Variants in TARS2 observed in about 807,000 individuals in gnomAD.
TARS2 encodes threonyl-tRNA synthetase 2, mitochondrial, also known as threonine--tRNA ligase, mitochondrial.
Under a neutral mutation model 94.4 loss-of-function variants are expected in TARS2, and 61 were observed. The ratio of observed to expected loss-of-function variants is 0.65; its 90% CI spans 0.53 to 0.80. The LOEUF (loss-of-function observed/expected upper bound fraction) is 0.80. Ranked by LOEUF, TARS2 falls within the 30% of genes least tolerant of loss-of-function variation. The pLI is 0.00. For synonymous variants in TARS2, 359 were observed against 353.4 expected (o/e 1.02, Z -0.18); for missense variants, 704 against 902.5 (o/e 0.78, Z 2.82).
chr1:150,496,517 A>G lies in TARS2; in HGVS notation c.810A>G (p.Pro270=). 1 of 1,614,132 alleles carries G rather than the reference A, an allele frequency of 6.2e-7. No homozygotes were observed. The highest frequency in any genetic ancestry group is 8.5e-7 in the Non-Finnish European group (1 of 1,180,000). ...CCTTATGGAGGTCTTCAGGGGCCCC[A>G]GAGACACTGCAGAGAGTGTCAGGGA... ...SSSLWRSSGA[P]ETLQRVSGIS... Residue 270 remains proline, a synonymous_variant, in exon 8 of 18, where the codon CCA becomes CCG. Coordinates refer to ENST00000369064, the MANE Select transcript of TARS2 (RefSeq NM_025150.5).
chr1:150,505,510 T>G (rs776716519), intron 16 of TARS2, 81 bp from the exon 17 acceptor site: 1 of 1,235,830 alleles, frequency 8.1e-7, no homozygotes, highest in Non-Finnish European at 1.2e-6. Context: ...GATGGGGGCA[T>G]TGAGGGAAAA....
Position 150,507,066 on chromosome 1 carries a change from C to A in TARS2, c.*2C>A, listed in dbSNP as rs764658405. ...CCAAATGCCGAAGAAATTTTCTGAG[C>A]CTTTGTACATAGATGAGGCAAAAAC... On this transcript the variant is annotated 3_prime_UTR_variant, in exon 18 of 18. Coordinates refer to ENST00000369064, the MANE Select transcript of TARS2 (RefSeq NM_025150.5). 6.2e-7 allele frequency: 1 copy of A among 1,613,874 alleles called. No individual in the cohort carries two copies. Among genetic ancestry groups the A allele is most frequent in the African/African-American group, 1.3e-5 (1 of 74,886 alleles).
chr1:150,489,878 G>A (rs941166876), intron 3 of TARS2, among the ~76,000 whole-genome samples: 4 of 152,076 alleles, frequency 2.6e-5, no homozygotes, highest in African/African-American at 9.7e-5. Context: ...GGAGGCGGAG[G>A]TTGCAGTGAG....
intron 3 of TARS2, among the ~76,000 whole-genome samples, 183 bp from the exon 4 acceptor site, chr1:150,490,418 C>CT (rs765177632): frequency 4.1e-4 from 62 of 150,992 alleles, no homozygotes; most frequent in African/African-American, 1.4e-3. Flanking sequence ...TGTGCCCAGC[C>CT]TTTTTTTTTA....
At chr1:150,504,309 C>G in intron 13 of TARS2, 26 bp from the exon 14 acceptor site, 8 of 1,610,956 alleles carry the variant, frequency 5.0e-6, no homozygotes, top group Non-Finnish European at 6.8e-6. Flanking sequence ...TGGCTTATCT[C>G]GTGCCTTCCC....
intron 17 of TARS2, among the ~76,000 whole-genome samples, chr1:150,506,195 A>G (rs1670192160): frequency 6.6e-6 from 1 of 151,904 alleles, no homozygotes; most frequent in African/African-American, 2.4e-5. Context: ...TGAGTTTTGC[A>G]CACCCCACTC....
At chr1:150,500,455 T>A (rs141465216) in intron 13 of TARS2, among the ~76,000 whole-genome samples, 116 of 151,780 alleles carry the variant, frequency 7.6e-4, no homozygotes, top group Admixed American at 2.2e-3. Context: ...CCGGGTGAGG[T>A]GTTAGGACAC....
In TARS2 at chr1:150,499,181, A is replaced by T. The variant is rs762034099; in HGVS notation, c.1540-35A>T. ...GGATGTGTTGCTTTTGAAGTCTAAGATGATGTATTCCACTCTTGTCTCATT... is the reference window on the plus strand; with the variant it reads ...GGATGTGTTGCTTTTGAAGTCTAAGTTGATGTATTCCACTCTTGTCTCATT... On this transcript the variant is annotated intron_variant, in intron 12 of 17. Coordinates refer to ENST00000369064, the MANE Select transcript of TARS2 (RefSeq NM_025150.5). 2.2e-5 allele frequency: 35 copies of T among 1,612,962 alleles called. No individual in the cohort carries two copies. The Admixed American group carries it at 5.8e-4, about 27-fold the overall frequency.
At chr1:150,504,609 A>ACC (rs397690784) in intron 14 of TARS2, 23 bp from the exon 15 acceptor site, 980 of 1,582,816 alleles carry the variant, frequency 6.2e-4, no homozygotes, top group Non-Finnish European at 7.7e-4. Flanking sequence ...CATTCCATCC[A>ACC]CCCCCCCCTT....
intron 13 of TARS2, among the ~76,000 whole-genome samples, chr1:150,502,037 C>T (rs12735569): frequency 0.079 from 12,060 of 151,926 alleles, 593 homozygotes; most frequent in Middle Eastern, 0.18. Flanking sequence ...CCCAGCCTCC[C>T]GAGTAGCTGG....
intron 13 of TARS2, 79 bp downstream of exon 13, chr1:150,499,372 A>T (rs1439949982): frequency 4.4e-6 from 5 of 1,139,846 alleles, no homozygotes; most frequent in East Asian, 2.8e-5. Context: ...GATACAAAGA[A>T]TTTTTTTTTT....
At chr1:150,497,908 A>G (rs1669740498) in intron 10 of TARS2, among the ~76,000 whole-genome samples, 161 bp downstream of exon 10, 1 of 151,904 alleles carries the variant, frequency 6.6e-6, no homozygotes, top group Non-Finnish European at 1.5e-5. Context: ...CCTGACCAAC[A>G]TGGAGAAACC....
rs587640690 is a variant in TARS2, at chr1:150,494,008, C to T, written c.774+1519C>T. Among the ~76,000 whole-genome samples the T allele has an allele frequency of 5.9e-5, 9 of 151,804 alleles. No individual in the cohort carries two copies. The South Asian group carries it at 1.9e-3, about 31-fold the overall frequency. Reference sequence around the variant, plus strand: ...GCCTTGGGTAAATCTTACTTATTTTCCCCATCTATAAAATGAGGCTATTAA... The same window carrying T: ...GCCTTGGGTAAATCTTACTTATTTTTCCCATCTATAAAATGAGGCTATTAA... On this transcript the variant is annotated intron_variant, in intron 7 of 17. Coordinates refer to ENST00000369064, the MANE Select transcript of TARS2 (RefSeq NM_025150.5).
intron 11 of TARS2, 98 bp from the exon 12 acceptor site, chr1:150,498,799 G>T: frequency 1.2e-6 from 2 of 1,608,274 alleles, no homozygotes; most frequent in Admixed American, 1.7e-5. Flanking sequence ...GCTTGCTTCC[G>T]CTTCCTCTCT....
At chr1:150,491,575 A>G (rs1445539156) in intron 5 of TARS2, 23 bp from the exon 6 acceptor site, 3 of 1,614,032 alleles carry the variant, frequency 1.9e-6, no homozygotes, top group East Asian at 2.2e-5. Flanking sequence ...CTTTTCTTCA[A>G]TCTCCCTTCT....
chr1:150,493,349 C>A (rs1669489868), intron 7 of TARS2, among the ~76,000 whole-genome samples: 1 of 151,966 alleles, frequency 6.6e-6, no homozygotes, highest in Non-Finnish European at 1.5e-5. Flanking sequence ...TGTGAGCAAG[C>A]TGGATGGGTC....
chr1:150,492,780 A>G (rs1669455453), intron 7 of TARS2, among the ~76,000 whole-genome samples: 1 of 144,652 alleles, frequency 6.9e-6, no homozygotes, highest in South Asian at 2.2e-4. Flanking sequence ...ACTGCACTCC[A>G]GCCTGGGCAA....
chr1:150,487,520 C>T lies in TARS2; in HGVS notation c.66+4C>T. ...ACAGGCTTGCAGGCTACACACGGTG[C>T]GTGAGGCACCCCCAAAGCTCCGATC... On this transcript the variant is annotated splice_donor_region_variant and intron_variant, in intron 1 of 17. Coordinates refer to ENST00000369064, the MANE Select transcript of TARS2 (RefSeq NM_025150.5). The T allele has an allele frequency of 1.9e-6, 3 of 1,614,224 alleles. No individual in the cohort carries two copies. The highest frequency in any genetic ancestry group is 2.5e-6 in the Non-Finnish European group (3 of 1,180,038).
rs764903173 is a variant in TARS2 at position 150,487,874 on chromosome 1, C to T, written c.83C>T (p.Pro28Leu). Residue 28 changes from proline (P) to leucine (L), a missense_variant, in exon 2 of 18, where the codon CCT becomes CTT. Physicochemically the swap from Pro to Leu is moderately conservative, Grantham distance 98 (BLOSUM62 -3). Coordinates refer to ENST00000369064, the MANE Select transcript of TARS2 (RefSeq NM_025150.5). ...TCCCTCCAGGCAGTTGTGTCGACCC[C>T]TCCACGCTGGTTGGCAGAGCGGCTT... ...CRLHTAVVST[P>L]PRWLAERLGL... 3.1e-6 allele frequency: 5 copies of T among 1,612,992 alleles called. No individual in the cohort carries two copies. In the East Asian group the frequency reaches 6.7e-5, roughly 22 times the overall value.
Sources: allele counts gnomAD v4.1 joint callset (sites outside exome capture counted in the v4.1 genomes callset), GRCh38; gene constraint gnomAD v4.1.1; transcripts MANE v1.5; gene names NCBI Gene and HGNC (gene_info 2026-07-23, HGNC 2026-07-21).